LRRC47: variants seen among roughly 807,000 people sequenced by gnomAD.
The protein encoded by LRRC47 is leucine rich repeat containing 47.
LRRC47 carries 31 observed loss-of-function variants against 40.9 expected under a neutral mutation model. That is an observed-to-expected ratio of 0.76 (90% CI 0.57 to 1.02). The LOEUF (loss-of-function observed/expected upper bound fraction) is 1.02, where lower values mean the gene tolerates loss of function less well. Among genes scored for constraint, LRRC47 ranks in the 50% least tolerant of loss-of-function variants. LRRC47 has a pLI of 0.00. For missense variants in LRRC47, 726 were observed against 796.1 expected (o/e 0.91, Z 1.06); for synonymous variants, 427 against 371.9 (o/e 1.15, Z -1.70).
At chr1:3,792,513 T>C (rs762383096) in intron 1 of LRRC47, among the ~76,000 whole-genome samples, 2 of 148,024 alleles carry the variant, frequency 1.4e-5, no homozygotes, top group East Asian at 4.0e-4. Context: ...CAGGCTGGAG[T>C]GCAGTGGTGC....
At chr1:3,784,915 A>C in intron 3 of LRRC47, 172 bp downstream of exon 3, 1 of 398,224 alleles carries the variant, frequency 2.5e-6, no homozygotes. Flanking sequence ...GAATCGCTTC[A>C]ACCCAGGAGG....
At chr1:3,792,278 G>A (rs1486913509) in intron 1 of LRRC47, among the ~76,000 whole-genome samples, 1 of 152,166 alleles carries the variant, frequency 6.6e-6, no homozygotes. Flanking sequence ...CAAGAAACAG[G>A]TCTCCTGATA....
rs528948027 is a variant in LRRC47 at position 3,787,777 on chromosome 1, AT to A, written c.616-468del. Among the ~76,000 whole-genome samples the A allele has an allele frequency of 9.1e-4, 138 of 152,314 alleles. 1 individual carries two copies. The highest frequency in any genetic ancestry group is 2.9e-3 in the African/African-American group (120 of 41,580). On this transcript the variant is annotated intron_variant, in intron 1 of 6. Coordinates refer to ENST00000378251, the MANE Select transcript of LRRC47 (RefSeq NM_020710.3). ...TTTAATTAAATGAGCTAAAAAAAAA[AT>A]ACAGCAAAATCTCTAAGAGCATTCT...
intron 1 of LRRC47, among the ~76,000 whole-genome samples, chr1:3,788,050 T>C (rs1643594044): frequency 6.6e-6 from 1 of 152,200 alleles, no homozygotes; most frequent in South Asian, 2.1e-4. Context: ...GTGACCTCAC[T>C]GAAAGGATGG....
Position 3,784,061 on chromosome 1 carries a change from C to CT in LRRC47, c.1244dup (p.Leu416AlafsTer31). 1.2e-6 allele frequency: 2 copies of CT among 1,613,414 alleles called. No homozygotes were observed. The highest frequency in any genetic ancestry group is 1.7e-6 in the Non-Finnish European group (2 of 1,179,838). On this transcript the variant is annotated frameshift_variant, in exon 4 of 7. Coordinates refer to ENST00000378251, the MANE Select transcript of LRRC47 (RefSeq NM_020710.3). LOFTEE classifies it high-confidence loss of function. ...TCTGCTCCTCGGCCTCCAGCTGCAGCTGCCGCACCAGCTCCTTGGCCTTGG... is the reference window on the plus strand; with the variant it reads ...TCTGCTCCTCGGCCTCCAGCTGCAGCTTGCCGCACCAGCTCCTTGGCCTTGG...
chr1:3,786,889 A>T lies in LRRC47; in HGVS notation c.1037T>A (p.Leu346Gln). The T allele has an allele frequency of 6.2e-7, 1 of 1,603,960 alleles. No individual in the cohort carries two copies. The highest frequency in any genetic ancestry group is 8.5e-7 in the Non-Finnish European group (1 of 1,175,174). The change falls in exon 2 of 7, where the codon CTG becomes CAG. Residue 346 changes from leucine to glutamine, a missense_variant. Transcript: ENST00000378251. ...IVGAVVRGMD[L>Q]QPGNALKRFL... ...GCGCTTGAGTGCATTCCCTGGCTGCAGGTCCATGCCTCGCACCACGGCCCC... is the reference window on the plus strand; with the variant it reads ...GCGCTTGAGTGCATTCCCTGGCTGCTGGTCCATGCCTCGCACCACGGCCCC...
intron 4 of LRRC47, 192 bp from the exon 5 acceptor site, chr1:3,782,955 T>C (rs1344268883): frequency 3.4e-6 from 2 of 587,960 alleles, no homozygotes; most frequent in Non-Finnish European, 6.1e-6. Context: ...GGTGAGCTCC[T>C]GGGAGTGGAG....
Position 3,795,712 on chromosome 1 carries a change from C to T in LRRC47, c.615+150G>A, listed in dbSNP as rs535476060. On this transcript the variant is annotated intron_variant, in intron 1 of 6. Transcript: ENST00000378251. ...CATCTGCTTCCCAGGGGTGATGCCC[C>T]CCGCAGCTGGCTCCTTTCAGCCTTG... 78 of 1,083,596 alleles carry T rather than the reference C, an allele frequency of 7.2e-5. No individual in the cohort carries two copies. In the African/African-American group the frequency reaches 1.3e-3, roughly 18 times the overall value. The allele number at this position is 1,083,596 out of a possible 1,614,324, so 67.1% of individuals were successfully genotyped here.
In LRRC47 at chr1:3,787,124, C is replaced by T. The variant is rs1299256889; in HGVS notation, c.802G>A (p.Gly268Ser). The change falls in exon 2 of 7, where the codon GGC becomes AGC. Residue 268 changes from glycine to serine, a missense_variant. Coordinates refer to ENST00000378251, the MANE Select transcript of LRRC47 (RefSeq NM_020710.3). ...TCCGAGCCCTCGGCACGGCCCTTGC[C>T]CTTCCCGCCACCACGGCCTCCGACG... ...LRVGGRGGGK[G>S]KGRAEGSEKE... 8 of 1,613,734 alleles carry T rather than the reference C, an allele frequency of 5.0e-6. No individual in the cohort carries two copies. The highest frequency in any genetic ancestry group is 2.7e-5 in the African/African-American group (2 of 74,938).
chr1:3,786,306 T>G (rs890693032), intron 2 of LRRC47, among the ~76,000 whole-genome samples: 10 of 152,126 alleles, frequency 6.6e-5, no homozygotes, highest in African/African-American at 2.2e-4. Context: ...AAGACCAACC[T>G]GGCCAACATG....
intron 1 of LRRC47, among the ~76,000 whole-genome samples, chr1:3,795,040 C>T (rs1164753030): frequency 7.6e-6 from 1 of 131,370 alleles, no homozygotes; most frequent in South Asian, 2.3e-4. Context: ...GGTGACAGGA[C>T]CAGACTACAT....
rs2124616964 is a variant in LRRC47 at position 3,796,445 on chromosome 1, G to A, written c.32C>T (p.Pro11Leu). Reference protein sequence around the residue: MAAAAVSESWPELELAERERR... With the variant: MAAAAVSESWLELELAERERR... The stretch of plus-strand genomic sequence containing the variant: ...CTCGCGCTCAGCCAGCTCCAGCTCC[G>A]GCCAAGACTCTGACACCGCTGCCGC... Residue 11 changes from proline to leucine, a missense_variant, in exon 1 of 7, where the codon CCG becomes CTG. Physicochemically the swap from Pro to Leu is moderately conservative, Grantham distance 98. Transcript: ENST00000378251. 6.6e-7 allele frequency: 1 copy of A among 1,522,992 alleles called. No individual in the cohort carries two copies. Among genetic ancestry groups the A allele is most frequent in the African/African-American group, 1.4e-5 (1 of 70,000 alleles). The allele number at this position is 1,522,992 out of a possible 1,614,324, so 94.3% of individuals were successfully genotyped here. A position where few individuals can be genotyped will look rare whatever the true frequency, so the allele number is the denominator to read the frequency against.
At position 3,780,719 on chromosome 1, in the gene LRRC47, C is replaced by T. The variant is rs1001819343; in HGVS notation, c.*369G>A. The stretch of plus-strand genomic sequence containing the variant: ...TTGGGAGGCTGAGGCGGGTGGATCA[C>T]GTAATCCCAGCACTTTGAGGGGCAG... On this transcript the variant is annotated 3_prime_UTR_variant, in exon 7 of 7. Coordinates refer to ENST00000378251, the MANE Select transcript of LRRC47 (RefSeq NM_020710.3). 79 of 191,038 alleles carry T rather than the reference C, an allele frequency of 4.1e-4. No homozygotes were observed. Among genetic ancestry groups the T allele is most frequent in the Non-Finnish European group, 4.7e-4 (44 of 92,908 alleles). 11.8% of individuals were successfully genotyped at this position (191,038 alleles called of 1,614,324 possible).
chr1:3,785,060 C>T, intron 3 of LRRC47, 27 bp downstream of exon 3: 2 of 1,542,100 alleles, frequency 1.3e-6, no homozygotes, highest in Admixed American at 1.9e-5. Context: ...GACTCTTCAG[C>T]AGACCCTGCA....
intron 1 of LRRC47, among the ~76,000 whole-genome samples, chr1:3,789,493 C>T (rs552629813): frequency 7.9e-5 from 12 of 152,256 alleles, no homozygotes; most frequent in African/African-American, 1.2e-4. Flanking sequence ...GCAGCAGAGG[C>T]GAAGGAGGCG....
intron 6 of LRRC47, 34 bp from the exon 7 acceptor site, chr1:3,781,370 T>C (rs777207851): frequency 1.9e-6 from 3 of 1,603,856 alleles, no homozygotes; most frequent in Admixed American, 1.7e-5. Context: ...AACCTGGAGA[T>C]GAGAGGTGAC....
rs1273726620 is a variant in LRRC47, at chr1:3,781,011, C to G, written c.*77G>C. 1 of 1,543,564 alleles carries G rather than the reference C, an allele frequency of 6.5e-7. No homozygotes were observed. Among genetic ancestry groups the G allele is most frequent in the East Asian group, 2.3e-5 (1 of 44,094 alleles). ...CCAACAAAAAAACTGGGGTGAAAATCTAACGGATAATTCAGCATTGCCGCA... is the reference window on the plus strand; with the variant it reads ...CCAACAAAAAAACTGGGGTGAAAATGTAACGGATAATTCAGCATTGCCGCA... On this transcript the variant is annotated 3_prime_UTR_variant, in exon 7 of 7. Transcript: ENST00000378251.
chr1:3,789,396 C>A (rs1320659938), intron 1 of LRRC47, among the ~76,000 whole-genome samples: 1 of 152,274 alleles, frequency 6.6e-6, no homozygotes, highest in Non-Finnish European at 1.5e-5. Flanking sequence ...GAGTTCCCCT[C>A]AAGTGGAACC....
At position 3,781,120 on chromosome 1, in the gene LRRC47, T is replaced by C; in HGVS notation, c.1720A>G (p.Thr574Ala). 6.2e-7 allele frequency: 1 copy of C among 1,614,038 alleles called. No individual in the cohort carries two copies. Among genetic ancestry groups the C allele is most frequent in the Non-Finnish European group, 8.5e-7 (1 of 1,180,030 alleles). The change falls in exon 7 of 7, where the codon ACT (threonine) becomes GCT (alanine). Residue 574 changes from threonine (T) to alanine (A), a missense_variant. Thr to Ala is a moderately conservative substitution (Grantham distance 58). Coordinates refer to ENST00000378251, the MANE Select transcript of LRRC47 (RefSeq NM_020710.3). ...VVYPSKADLA[T>A]APPHVTVVR The stretch of plus-strand genomic sequence containing the variant: ...ACGACAGTCACGTGGGGAGGGGCAG[T>C]GGCCAGGTCGGCCTTGGACGGGTAC...
Sources: gnomAD v4.1 joint callset for allele counts (sites outside exome capture counted in the v4.1 genomes callset) on GRCh38, gnomAD v4.1.1 for gene constraint, MANE v1.5 for transcripts, NCBI Gene and HGNC (gene_info 2026-07-23, HGNC 2026-07-21) for gene names.